Variants in CPE observed in about 807,000 individuals in gnomAD.
CPE encodes the protein carboxypeptidase E.
Under a neutral mutation model 53.5 loss-of-function variants are expected in CPE, and 17 were observed. The observed-to-expected ratio is 0.32, with a 90% CI of 0.22 to 0.48. The LOEUF is 0.48. CPE is among the 20% of genes least tolerant of loss of function. The pLI, the probability that CPE is intolerant of heterozygous loss-of-function variation, is 0.99. For synonymous variants in CPE, 226 were observed against 228.8 expected (o/e 0.99, Z 0.11); for missense variants, 524 against 614.7 (o/e 0.85, Z 1.56).
intron 4 of CPE, among the ~76,000 whole-genome samples, chr4:165,483,553 G>C (rs1030531153): frequency 6.6e-5 from 10 of 152,132 alleles, no homozygotes; most frequent in Non-Finnish European, 1.5e-4. Flanking sequence ...TTAGTTCTTT[G>C]AGAAATCTCT....
At chr4:165,443,658 A>C in intron 1 of CPE, among the ~76,000 whole-genome samples, 1 of 152,194 alleles carries the variant, frequency 6.6e-6, no homozygotes, top group South Asian at 2.1e-4. Context: ...AGGTTGGATT[A>C]GGTGCATCCC....
intron 1 of CPE, among the ~76,000 whole-genome samples, chr4:165,420,639 G>A (rs954187757): frequency 5.3e-5 from 8 of 151,610 alleles, no homozygotes; most frequent in East Asian, 1.9e-4. Context: ...TTTATATATC[G>A]TAATTTATTC....
chr4:165,459,588 G>A (rs1196050936), intron 1 of CPE, among the ~76,000 whole-genome samples: 1 of 146,328 alleles, frequency 6.8e-6, no homozygotes, highest in East Asian at 2.1e-4. Flanking sequence ...GCAAGATCAG[G>A]AACTCAGGAT....
At chr4:165,405,548 G>A in intron 1 of CPE, 1 of 943,722 alleles carries the variant, frequency 1.1e-6, no homozygotes, top group Non-Finnish European at 1.7e-6. Flanking sequence ...AAATGGAATA[G>A]TCATGGCATA....
At chr4:165,408,792 G>A (rs1157945934) in intron 1 of CPE, among the ~76,000 whole-genome samples, 3 of 152,224 alleles carry the variant, frequency 2.0e-5, no homozygotes, top group Non-Finnish European at 4.4e-5. Flanking sequence ...AATGCACTGC[G>A]ATGGTTCCCC....
Position 165,489,457 on chromosome 4 carries a change from G to A in CPE, c.1113+1880G>A, listed in dbSNP as rs148120576. Among the ~76,000 whole-genome samples the A allele has an allele frequency of 7.4e-4, 113 of 152,258 alleles. 1 individual carries two copies. The highest frequency in any genetic ancestry group is 2.6e-3 in the African/African-American group (109 of 41,550). On this transcript the variant is annotated intron_variant, in intron 6 of 8. Transcript: ENST00000402744. Reference sequence around the variant, plus strand: ...TTCACACGAGTGCTGTCAGAAACAAGAATACCTAATCACAAGAGAGGAGGA... The same window carrying A: ...TTCACACGAGTGCTGTCAGAAACAAAAATACCTAATCACAAGAGAGGAGGA...
chr4:165,442,036 G>GTTTTTTTTTTTTTTT lies in CPE; in HGVS notation c.308-22344_308-22343insTTTTTTTTTTTTTTT, dbSNP rs1318749931. Among the ~76,000 whole-genome samples the GTTTTTTTTTTTTTTT allele has an allele frequency of 2.8e-4, 17 of 61,316 alleles. 1 individual carries two copies. Among genetic ancestry groups the GTTTTTTTTTTTTTTT allele is most frequent in the African/African-American group, 9.5e-4 (12 of 12,650 alleles). The allele number at this position is 61,316 out of a possible 152,430, so 40.2% of individuals were successfully genotyped here. ...GACGGTGAGTTTGTTTTTTTTTTTT[G>GTTTTTTTTTTTTTTT]TTTTTTTTTTGTTTTTTTTTTTTTG... On this transcript the variant is annotated intron_variant, in intron 1 of 8. Transcript: ENST00000402744.
At chr4:165,401,043 C>A (rs1385342468) in intron 1 of CPE, among the ~76,000 whole-genome samples, 1 of 148,510 alleles carries the variant, frequency 6.7e-6, no homozygotes, top group Non-Finnish European at 1.5e-5. Context: ...TCTTACTTGA[C>A]CTTATTTGAT....
At chr4:165,467,649 G>A (rs1277540705) in intron 2 of CPE, 39 bp from the exon 3 acceptor site, 1 of 1,549,308 alleles carries the variant, frequency 6.5e-7, no homozygotes, top group South Asian at 1.2e-5. Context: ...ATAATAATAA[G>A]CAACTAATGA....
At chr4:165,412,778 C>T (rs6849361) in intron 1 of CPE, among the ~76,000 whole-genome samples, 85,519 of 152,096 alleles carry the variant, frequency 0.56, 24,760 homozygotes, top group African/African-American at 0.7. Context: ...CTATTTACAT[C>T]TGTATGCTGG....
At chr4:165,436,519 A>G (rs1358813609) in intron 1 of CPE, among the ~76,000 whole-genome samples, 4 of 152,230 alleles carry the variant, frequency 2.6e-5, no homozygotes, top group Admixed American at 2.6e-4. Flanking sequence ...AAAAATATTA[A>G]AAACTCATAC....
intron 1 of CPE, among the ~76,000 whole-genome samples, chr4:165,392,993 A>G (rs1468715935): frequency 1.3e-5 from 2 of 151,524 alleles, no homozygotes; most frequent in Non-Finnish European, 2.9e-5. Context: ...TTGATTACTA[A>G]TGCTTTTCCT....
chr4:165,493,019 A>G (rs1004507155), intron 6 of CPE, 152 bp from the exon 7 acceptor site: 6 of 526,622 alleles, frequency 1.1e-5, no homozygotes, highest in Non-Finnish European at 2.1e-5. Context: ...CAAAAAATTC[A>G]GTGGCCTTTT....
intron 1 of CPE, among the ~76,000 whole-genome samples, chr4:165,400,767 C>T (rs1412169528): frequency 2.0e-5 from 3 of 152,152 alleles, no homozygotes; most frequent in African/African-American, 7.2e-5. Context: ...TGAAAGATTA[C>T]ATACTATTTT....
chr4:165,464,705 A>G, intron 2 of CPE, 119 bp downstream of exon 2: 3 of 749,214 alleles, frequency 4.0e-6, no homozygotes, highest in South Asian at 2.7e-5. Context: ...AGTGGAGGGC[A>G]TAAGTGATGC....
At chr4:165,465,119 T>A (rs1732074986) in intron 2 of CPE, among the ~76,000 whole-genome samples, 1 of 152,166 alleles carries the variant, frequency 6.6e-6, no homozygotes, top group Non-Finnish European at 1.5e-5. Context: ...ATTTAATATA[T>A]CTTCGCTGTT....
intron 1 of CPE, among the ~76,000 whole-genome samples, chr4:165,380,088 T>G (rs1373276250): frequency 6.6e-6 from 1 of 152,192 alleles, no homozygotes; most frequent in Non-Finnish European, 1.5e-5. Context: ...TACCCATCTC[T>G]ACCTGTGTGT....
intron 1 of CPE, among the ~76,000 whole-genome samples, chr4:165,413,748 C>T (rs183341528): frequency 6.6e-6 from 1 of 152,160 alleles, no homozygotes; most frequent in Non-Finnish European, 1.5e-5. Flanking sequence ...CAACACAGCT[C>T]AAGAGGTCAC....
In CPE at chr4:165,445,288, G is replaced by T. The variant is rs202120708; in HGVS notation, c.308-19102G>T. On this transcript the variant is annotated intron_variant, in intron 1 of 8. Transcript: ENST00000402744. ...ATGTAAATTTATTTTCCCTTTTTTT[G>T]TTTTTTTTTTCTTTTAGGCACAGCA... 7.5e-5 allele frequency among the ~76,000 whole-genome samples: 11 copies of T among 147,358 alleles called. 2 individuals carry two copies. In the South Asian group the frequency reaches 1.1e-3, roughly 15 times the overall value.
Sources: allele counts gnomAD v4.1 joint callset (sites outside exome capture counted in the v4.1 genomes callset), GRCh38; gene constraint gnomAD v4.1.1; transcripts MANE v1.5; gene names NCBI Gene and HGNC (gene_info 2026-07-23, HGNC 2026-07-21).